The following TMEM132D variants were observed in gnomAD, a reference collection of about 807,000 sequenced individuals.
TMEM132D encodes the protein transmembrane protein 132D.
Under a neutral mutation model 62.3 loss-of-function variants are expected in TMEM132D, and 21 were observed. That is an observed-to-expected ratio of 0.34 (90% confidence interval 0.24 to 0.49). The LOEUF (loss-of-function observed/expected upper bound fraction) is 0.49. Ranked by LOEUF, TMEM132D falls within the 20% of genes least tolerant of loss-of-function variation. TMEM132D has a pLI of 0.99. For missense variants in TMEM132D, 1,346 were observed against 1,402.8 expected, an observed-to-expected ratio of 0.96 and a Z score of 0.65; for synonymous variants, 621 against 575.6, an observed-to-expected ratio of 1.08 and a Z score of -1.13.
At chr12:129,620,584 G>A (rs866705741) in intron 2 of TMEM132D, among the ~76,000 whole-genome samples, 33 of 152,330 alleles carry the variant, frequency 2.2e-4, no homozygotes, top group African/African-American at 6.5e-4. Context: ...GGGTGACAGA[G>A]TGAGACCCTG....
intron 3 of TMEM132D, among the ~76,000 whole-genome samples, chr12:129,508,743 C>CA (rs72379095): frequency 0.13 from 19,551 of 151,610 alleles, 1,898 homozygotes; most frequent in African/African-American, 0.27. Flanking sequence ...CTAAGAGTCT[C>CA]AAAAAAAATC....
At chr12:129,763,645 T>C in intron 1 of TMEM132D, among the ~76,000 whole-genome samples, 1 of 152,148 alleles carries the variant, frequency 6.6e-6, no homozygotes, top group East Asian at 1.9e-4. Context: ...GTTTCTGGGT[T>C]TTGAGACGTT....
intron 4 of TMEM132D, among the ~76,000 whole-genome samples, chr12:129,245,240 T>G (rs1194927183): frequency 6.6e-5 from 10 of 152,190 alleles, no homozygotes; most frequent in Admixed American, 3.9e-4. Context: ...TCCTAACAAC[T>G]ACCGATGTTT....
intron 5 of TMEM132D, among the ~76,000 whole-genome samples, chr12:129,173,492 C>T (rs374788632): frequency 7.5e-4 from 114 of 152,304 alleles, no homozygotes; most frequent in African/African-American, 2.5e-3. Context: ...CTTTTTCTCA[C>T]CAAAGATTTT....
intron 2 of TMEM132D, among the ~76,000 whole-genome samples, chr12:129,656,446 T>C (rs1211486890): frequency 1.3e-5 from 2 of 152,150 alleles, no homozygotes; most frequent in East Asian, 3.9e-4. Flanking sequence ...GAAAGCTCCA[T>C]ATCTACAGGA....
intron 2 of TMEM132D, among the ~76,000 whole-genome samples, chr12:129,549,426 C>A (rs1038378575): frequency 6.6e-6 from 1 of 151,558 alleles, no homozygotes; most frequent in Non-Finnish European, 1.5e-5. Context: ...TGGTTTCCCC[C>A]CTCCTGTTCT....
chr12:129,269,546 T>C (rs1199566802), intron 4 of TMEM132D, among the ~76,000 whole-genome samples: 3 of 152,174 alleles, frequency 2.0e-5, no homozygotes, highest in South Asian at 2.1e-4. Flanking sequence ...GATGAATGAA[T>C]GAGTGAATGT....
intron 3 of TMEM132D, among the ~76,000 whole-genome samples, chr12:129,478,748 C>A (rs959853949): frequency 1.3e-5 from 2 of 152,088 alleles, no homozygotes; most frequent in Non-Finnish European, 2.9e-5. Flanking sequence ...GCTCTGATCC[C>A]CTCCCTTCAA....
intron 2 of TMEM132D, among the ~76,000 whole-genome samples, chr12:129,546,990 C>T (rs558125862): frequency 6.6e-6 from 1 of 152,262 alleles, no homozygotes; most frequent in South Asian, 2.1e-4. Context: ...CAAATTCCCA[C>T]AAACTGGGTG....
At chr12:129,688,282 C>T (rs981095736) in intron 2 of TMEM132D, among the ~76,000 whole-genome samples, 1 of 152,112 alleles carries the variant, frequency 6.6e-6, no homozygotes, top group Non-Finnish European at 1.5e-5. Flanking sequence ...TCCCAAACTA[C>T]CTAATCAGCT....
At chr12:129,670,896 A>G (rs1880485965) in intron 2 of TMEM132D, among the ~76,000 whole-genome samples, 1 of 152,208 alleles carries the variant, frequency 6.6e-6, no homozygotes, top group Non-Finnish European at 1.5e-5. Context: ...GGCAACCAAG[A>G]GCTCAGAGAA....
intron 5 of TMEM132D, among the ~76,000 whole-genome samples, chr12:129,103,102 A>G (rs1235276051): frequency 2.0e-5 from 3 of 152,178 alleles, no homozygotes; most frequent in African/African-American, 7.2e-5. Flanking sequence ...ACCCTACAAA[A>G]TCAGCATATG....
chr12:129,461,675 A>G (rs935461981), intron 3 of TMEM132D, among the ~76,000 whole-genome samples: 1 of 134,592 alleles, frequency 7.4e-6, no homozygotes, highest in Non-Finnish European at 1.6e-5. Flanking sequence ...AAGAGGAACC[A>G]AGTGATAGGT....
chr12:129,176,656 T>C (rs1877914478), intron 5 of TMEM132D, among the ~76,000 whole-genome samples: 1 of 152,224 alleles, frequency 6.6e-6, no homozygotes, highest in Admixed American at 6.5e-5. Flanking sequence ...TGAATTAAAA[T>C]CCACTTCAAG....
chr12:129,789,063 AATTTT>A (rs1305717690), intron 1 of TMEM132D, among the ~76,000 whole-genome samples: 1 of 152,050 alleles, frequency 6.6e-6, no homozygotes, highest in African/African-American at 2.4e-5. Context: ...AGGAATCAAC[AATTTT>A]ATTTTTATTT....
chr12:129,827,156 C>T lies in TMEM132D; in HGVS notation c.79+76105G>A, dbSNP rs142052115. Among the ~76,000 whole-genome samples, 78 of 152,260 alleles carry T rather than the reference C, an allele frequency of 5.1e-4. 2 individuals are homozygous for T. The highest frequency in any genetic ancestry group is 2.2e-4 in the Non-Finnish European group (15 of 68,030). Reference sequence around the variant, plus strand: ...AATAATAGCAATTAATAATTAAGCGCGTCTCTATATTTGATCTTCTGCTAA... The same window carrying T: ...AATAATAGCAATTAATAATTAAGCGTGTCTCTATATTTGATCTTCTGCTAA... On this transcript the variant is annotated intron_variant, in intron 1 of 8. Coordinates refer to ENST00000422113, the MANE Select transcript of TMEM132D (RefSeq NM_133448.3). The surrounding 1 kb of genome is among the most constrained non-coding windows in gnomAD (Gnocchi z 9.7).
chr12:129,432,142 G>C (rs1872671263), intron 3 of TMEM132D, among the ~76,000 whole-genome samples: 1 of 146,342 alleles, frequency 6.8e-6, no homozygotes, highest in Admixed American at 6.9e-5. Flanking sequence ...TGGATGGATG[G>C]ATGGATGGAT....
intron 3 of TMEM132D, among the ~76,000 whole-genome samples, chr12:129,348,814 A>C (rs964571538): frequency 6.6e-6 from 1 of 152,248 alleles, no homozygotes; most frequent in East Asian, 1.9e-4. Flanking sequence ...TGATGGCCGA[A>C]ATAGCCAGGC....
intron 2 of TMEM132D, among the ~76,000 whole-genome samples, chr12:129,605,922 G>C (rs1474437499): frequency 6.6e-6 from 1 of 152,042 alleles, no homozygotes; most frequent in Non-Finnish European, 1.5e-5. Context: ...CCGCCCCATA[G>C]AGCTGCTCCA....
Sources: allele counts gnomAD v4.1 joint callset (sites outside exome capture counted in the v4.1 genomes callset), GRCh38; gene constraint gnomAD v4.1.1; non-coding constraint Gnocchi (gnomAD v3.1); transcripts MANE v1.5; gene names NCBI Gene and HGNC (gene_info 2026-07-23, HGNC 2026-07-21).